The following FAM135A variants were observed in gnomAD, a reference collection of about 807,000 sequenced individuals.
The protein encoded by FAM135A is protein FAM135A.
A neutral mutation model predicts 146.8 loss-of-function variants in FAM135A; 79 were observed. The ratio of observed to expected loss-of-function variants is 0.54; its 90% confidence interval spans 0.45 to 0.65. The LOEUF (loss-of-function observed/expected upper bound fraction) is 0.65, where lower values mean the gene tolerates loss of function less well. Among genes scored for constraint, FAM135A ranks in the 30% least tolerant of loss-of-function variants. The pLI, the probability that FAM135A is intolerant of heterozygous loss-of-function variation, is 0.00. For synonymous variants in FAM135A, 562 were observed against 603.6 expected, an observed-to-expected ratio of 0.93 and a Z score of 1.01; for missense variants, 1,623 against 1,758.2, an observed-to-expected ratio of 0.92 and a Z score of 1.38.
rs560996402 is a variant in FAM135A, at chr6:70,465,808, T to C, written c.158-9602T>C. On this transcript the variant is annotated intron_variant, in intron 5 of 21. Coordinates refer to ENST00000418814, the MANE Select transcript of FAM135A (RefSeq NM_001162529.3). ...TCTCCACATCCATAAGTGCTGATCA[T>C]GTTCATAATACTAACATGAAGTAAG... Among the ~76,000 whole-genome samples the C allele has an allele frequency of 1.6e-3, 250 of 152,332 alleles. 3 individuals carry two copies. The highest frequency in any genetic ancestry group is 0.012 in the South Asian group (58 of 4,828).
intron 4 of FAM135A, among the ~76,000 whole-genome samples, chr6:70,428,922 G>A (rs1029863765): frequency 9.9e-5 from 15 of 151,960 alleles, no homozygotes; most frequent in African/African-American, 2.9e-4. Context: ...ACTATTTCAC[G>A]AAAACACTAA....
intron 4 of FAM135A, among the ~76,000 whole-genome samples, chr6:70,434,777 AT>A (rs1305253940): frequency 2.0e-5 from 3 of 152,136 alleles, no homozygotes; most frequent in African/African-American, 7.2e-5. Context: ...TATCAGTTTG[AT>A]TTGTTTCCAC....
At position 70,475,709 on chromosome 6, in the gene FAM135A, T is replaced by C. The variant is rs770608535; in HGVS notation, c.344T>C (p.Leu115Pro). 6.2e-7 allele frequency: 1 copy of C among 1,610,638 alleles called. No homozygotes were observed. The highest frequency in any genetic ancestry group is 8.5e-7 in the Non-Finnish European group (1 of 1,178,206). ...ATGAATTTTCTATTATCCTTGGATC[T>C]ACACTTCACAGATGGAGATTATTCG... ...EEMNFLLSLD[L>P]HFTDGDYSAD... Residue 115 changes from leucine to proline, a missense_variant, in exon 7 of 22, where the codon CTA becomes CCA. By Grantham distance (98) the Leu-to-Pro change is moderately conservative (BLOSUM62 -3). This residue lies in a region of FAM135A where 171 missense variants were observed against 164.9 expected (regional missense o/e 1.04). Transcript: ENST00000418814.
chr6:70,472,015 G>A (rs1382574597), intron 5 of FAM135A, among the ~76,000 whole-genome samples: 1 of 152,128 alleles, frequency 6.6e-6, no homozygotes, highest in Non-Finnish European at 1.5e-5. Context: ...ACAAAAATGA[G>A]CAGGATAGTG....
intron 11 of FAM135A, among the ~76,000 whole-genome samples, chr6:70,498,788 GAGTGAGTTTCTTAATCC>G (rs1232147547): frequency 6.6e-6 from 1 of 152,192 alleles, no homozygotes; most frequent in Non-Finnish European, 1.5e-5. Flanking sequence ...CTGCAGCTTT[GAGTGAGTTTCTTAATCC>G]TGAGTTCTAA....
intron 4 of FAM135A, among the ~76,000 whole-genome samples, chr6:70,433,523 A>G (rs563669683): frequency 1.4e-3 from 213 of 149,556 alleles, no homozygotes; most frequent in Non-Finnish European, 2.4e-3. Context: ...TTTTTTAAGT[A>G]ACTTAAAGCA....
At chr6:70,455,414 G>A (rs561540593) in intron 5 of FAM135A, among the ~76,000 whole-genome samples, 16 of 143,514 alleles carry the variant, frequency 1.1e-4, no homozygotes, top group Non-Finnish European at 2.3e-4. Flanking sequence ...ACACACACAC[G>A]TATATATACA....
intron 3 of FAM135A, among the ~76,000 whole-genome samples, chr6:70,427,382 A>C (rs920445799): frequency 6.6e-6 from 1 of 152,140 alleles, no homozygotes; most frequent in African/African-American, 2.4e-5. Context: ...AAATACAAAA[A>C]TTAGCTGAGC....
At chr6:70,433,648 TG>T (rs979902730) in intron 4 of FAM135A, among the ~76,000 whole-genome samples, 4 of 152,156 alleles carry the variant, frequency 2.6e-5, no homozygotes, top group African/African-American at 9.7e-5. Flanking sequence ...TGGCCTTGGT[TG>T]GGACTTCTCA....
At chr6:70,517,442 G>C (rs578046816) in intron 12 of FAM135A, among the ~76,000 whole-genome samples, 2 of 145,156 alleles carry the variant, frequency 1.4e-5, no homozygotes, top group East Asian at 4.0e-4. Flanking sequence ...TTTTTAGATG[G>C]AGTTTTGCTC....
intron 18 of FAM135A, among the ~76,000 whole-genome samples, chr6:70,534,312 CTT>C (rs1179072858): frequency 5.6e-5 from 5 of 89,798 alleles, no homozygotes; most frequent in Admixed American, 1.4e-4. Context: ...AGTTTGTATA[CTT>C]TTTTTTTTTT....
chr6:70,475,521 A>G lies in FAM135A; in HGVS notation c.269A>G (p.Lys90Arg), dbSNP rs761427336. 6.2e-7 allele frequency: 1 copy of G among 1,600,058 alleles called. No individual in the cohort carries two copies. The highest frequency in any genetic ancestry group is 1.1e-5 in the South Asian group (1 of 87,226). Reference sequence around the variant, plus strand: ...GTTTTAAATGATGTTATGATCTTCAAAGTAAAAATGCTATTGGATGAAAGA... The same window carrying G: ...GTTTTAAATGATGTTATGATCTTCAGAGTAAAAATGCTATTGGATGAAAGA... ...EVVLNDVMIFKVKMLLDERKI... is the reference protein window; with the variant it reads ...EVVLNDVMIFRVKMLLDERKI... Residue 90 changes from lysine (K) to arginine (R), a missense_variant, in exon 6 of 22, where the codon AAA (lysine) becomes AGA (arginine). Transcript: ENST00000418814.
intron 11 of FAM135A, among the ~76,000 whole-genome samples, chr6:70,500,224 G>T (rs923475656): frequency 6.6e-6 from 1 of 151,976 alleles, no homozygotes; most frequent in Non-Finnish European, 1.5e-5. Flanking sequence ...CCTTATTTCA[G>T]TAAGTTGATC....
chr6:70,480,955 C>T lies in FAM135A; in HGVS notation c.597C>T (p.Asn199=), dbSNP rs777134836. ...TWLNRNAPAQ[N]KDSVIPTLES... is the part of the protein sequence containing the mutation. Reference sequence around the variant, plus strand: ...TAAATAGAAATGCACCAGCACAAAACAAAGATTCCGTGATTCCTACTCTTG... The same window carrying T: ...TAAATAGAAATGCACCAGCACAAAATAAAGATTCCGTGATTCCTACTCTTG... Residue 199 remains asparagine, a synonymous_variant, in exon 9 of 22, where the codon AAC becomes AAT. Transcript: ENST00000418814. The T allele has an allele frequency of 3.1e-6, 5 of 1,612,556 alleles. No homozygotes were observed. The African/African-American group carries it at 6.7e-5, about 22-fold the overall frequency.
chr6:70,420,139 T>G (rs1768483681), intron 2 of FAM135A, among the ~76,000 whole-genome samples: 1 of 152,198 alleles, frequency 6.6e-6, no homozygotes, highest in Non-Finnish European at 1.5e-5. Context: ...GTACCGTTTT[T>G]CCTTAGAGTG....
At chr6:70,549,302 G>A (rs1448564636) in intron 20 of FAM135A, among the ~76,000 whole-genome samples, 3 of 151,996 alleles carry the variant, frequency 2.0e-5, no homozygotes, top group Non-Finnish European at 4.4e-5. Context: ...ATTCCATGTA[G>A]TAGTTAAAAG....
intron 16 of FAM135A, among the ~76,000 whole-genome samples, chr6:70,528,653 A>T (rs1795198703): frequency 6.6e-6 from 1 of 151,780 alleles, no homozygotes; most frequent in African/African-American, 2.4e-5. Flanking sequence ...TCGTAAGTAA[A>T]TTTTCCATGG....
At chr6:70,437,660 A>G (rs1349144282) in intron 4 of FAM135A, among the ~76,000 whole-genome samples, 1 of 152,160 alleles carries the variant, frequency 6.6e-6, no homozygotes, top group Admixed American at 6.5e-5. Context: ...CTTATTCTGA[A>G]TAGATTACTT....
At chr6:70,484,929 G>C (rs1784349031) in intron 10 of FAM135A, among the ~76,000 whole-genome samples, 1 of 152,164 alleles carries the variant, frequency 6.6e-6, no homozygotes, top group Admixed American at 6.5e-5. Context: ...TTTATGTCAT[G>C]TATATTACTT....
Sources: allele counts gnomAD v4.1 joint callset (sites outside exome capture counted in the v4.1 genomes callset), GRCh38; gene constraint gnomAD v4.1.1; regional missense constraint gnomAD v4.1.1; transcripts MANE v1.5; gene names NCBI Gene and HGNC (gene_info 2026-07-23, HGNC 2026-07-21).